The following COBL variants were observed in gnomAD, a reference collection of about 807,000 sequenced individuals.
COBL encodes cordon-bleu WH2 repeat protein.
Under a neutral mutation model 98.8 loss-of-function variants are expected in COBL, and 51 were observed. The ratio of observed to expected loss-of-function variants is 0.52; its 90% CI spans 0.41 to 0.65. The LOEUF is 0.65. Among genes scored for constraint, COBL ranks in the 30% least tolerant of loss-of-function variants. COBL has a pLI of 0.00. For missense variants in COBL, 1,617 were observed against 1,617.5 expected (o/e 1.00, Z 0.01); for synonymous variants, 634 against 651.7 (o/e 0.97, Z 0.41).
At chr7:51,306,290 G>C (rs937162168) in intron 1 of COBL, among the ~76,000 whole-genome samples, 1 of 152,134 alleles carries the variant, frequency 6.6e-6, no homozygotes, top group African/African-American at 2.4e-5. Flanking sequence ...CAGGCCAACA[G>C]GGCCCACTCA....
chr7:51,017,342 C>T lies in COBL; in HGVS notation c.*209G>A. The stretch of plus-strand genomic sequence containing the variant: ...GATATTCAGAGGCAAAACACATTTC[C>T]TTGGCACACGAGCTGCGCAGCGACA... On this transcript the variant is annotated 3_prime_UTR_variant, in exon 13 of 13. Coordinates refer to ENST00000265136, the MANE Select transcript of COBL (RefSeq NM_015198.5). 2 of 607,728 alleles carry T rather than the reference C, an allele frequency of 3.3e-6. No individual in the cohort carries two copies. Among genetic ancestry groups the T allele is most frequent in the Non-Finnish European group, 5.9e-6 (2 of 339,836 alleles). 37.6% of individuals were successfully genotyped at this position (607,728 alleles called of 1,614,324 possible).
At position 51,016,698 on chromosome 7, in the gene COBL, G is replaced by A. The variant is rs762358581; in HGVS notation, c.*853C>T. On this transcript the variant is annotated 3_prime_UTR_variant, in exon 13 of 13. Coordinates refer to ENST00000265136, the MANE Select transcript of COBL (RefSeq NM_015198.5). Reference sequence around the variant, plus strand: ...ATCCCTGCTCCTTGACCCTCTGCAGGATTCCAGAAGGCTCCCAGTGAAGTC... The same window carrying A: ...ATCCCTGCTCCTTGACCCTCTGCAGAATTCCAGAAGGCTCCCAGTGAAGTC... 1.4e-4 allele frequency: 51 copies of A among 365,264 alleles called. No individual in the cohort carries two copies. The highest frequency in any genetic ancestry group is 2.3e-4 in the Non-Finnish European group (47 of 205,238). 22.6% of individuals were successfully genotyped at this position (365,264 alleles called of 1,614,324 possible).
Position 51,029,029 on chromosome 7 carries a change from G to T in COBL, c.2067C>A (p.His689Gln), listed in dbSNP as rs765990521. Reference sequence around the variant, plus strand: ...TTTTCCCTGGGTTTTGGCCTCGTTGGTGCCATGATGTTGGTGCCAAGGCAG... The same window carrying T: ...TTTTCCCTGGGTTTTGGCCTCGTTGTTGCCATGATGTTGGTGCCAAGGCAG... The part of the protein sequence containing the change: ...KNAALAPTSW[H>Q]QRGQNPGKSY... Residue 689 changes from histidine (H) to glutamine (Q), a missense_variant, in exon 10 of 13, where the codon CAC becomes CAA. By Grantham distance (24) the His-to-Gln change is conservative. Coordinates refer to ENST00000265136, the MANE Select transcript of COBL (RefSeq NM_015198.5). 1 of 1,614,038 alleles carries T rather than the reference G, an allele frequency of 6.2e-7. No individual in the cohort carries two copies. Among genetic ancestry groups the T allele is most frequent in the African/African-American group, 1.3e-5 (1 of 74,902 alleles).
At chr7:51,061,991 A>G (rs1375477771) in intron 7 of COBL, among the ~76,000 whole-genome samples, 1 of 150,872 alleles carries the variant, frequency 6.6e-6, no homozygotes, top group Non-Finnish European at 1.5e-5. Context: ...ACTCATAAAT[A>G]TATCCTATTG....
At chr7:51,270,755 A>T (rs1425226998) in intron 1 of COBL, among the ~76,000 whole-genome samples, 2 of 152,068 alleles carry the variant, frequency 1.3e-5, no homozygotes, top group African/African-American at 4.8e-5. Context: ...TCTTTTTTTC[A>T]AAATTGACTT....
chr7:51,068,091 A>T (rs1792133594), intron 7 of COBL, among the ~76,000 whole-genome samples: 1 of 152,210 alleles, frequency 6.6e-6, no homozygotes, highest in Admixed American at 6.5e-5. Context: ...TTCTCAAGCC[A>T]GGCTTGAGCG....
intron 1 of COBL, among the ~76,000 whole-genome samples, chr7:51,243,073 G>T (rs1445570379): frequency 1.3e-5 from 2 of 152,208 alleles, no homozygotes; most frequent in African/African-American, 4.8e-5. Flanking sequence ...CGCCTTGGTG[G>T]CACTGCTTGG....
intron 6 of COBL, among the ~76,000 whole-genome samples, chr7:51,103,913 C>T (rs937279316): frequency 6.6e-6 from 1 of 152,234 alleles, no homozygotes; most frequent in Admixed American, 6.5e-5. Flanking sequence ...CACCTGGCCT[C>T]GGCCCCAGCC....
At chr7:51,187,771 G>A (rs1001695526) in intron 4 of COBL, 7 of 532,562 alleles carry the variant, frequency 1.3e-5, no homozygotes, top group Non-Finnish European at 2.0e-5. Flanking sequence ...TGTCAGCCTC[G>A]CATGCACCTT....
chr7:51,090,315 C>T (rs1262220728), intron 6 of COBL, among the ~76,000 whole-genome samples: 1 of 152,146 alleles, frequency 6.6e-6, no homozygotes, highest in Non-Finnish European at 1.5e-5. Context: ...AGGCACAGGA[C>T]CATAGGCAAG....
At position 51,164,516 on chromosome 7, in the gene COBL, C is replaced by T. The variant is rs143647534; in HGVS notation, c.783+19586G>A. On this transcript the variant is annotated intron_variant, in intron 5 of 12. Transcript: ENST00000265136. ...TACTTTTACCCTAGAATAGTATATT[C>T]GGCGAAAATATCCTTCGGACATAAA... Among the ~76,000 whole-genome samples, 277 of 152,148 alleles carry T rather than the reference C, an allele frequency of 1.8e-3. 1 individual carries two copies. The highest frequency in any genetic ancestry group is 0.012 in the South Asian group (60 of 4,826).
chr7:51,207,422 C>A (rs1350706523), intron 2 of COBL, among the ~76,000 whole-genome samples: 2 of 152,162 alleles, frequency 1.3e-5, no homozygotes, highest in African/African-American at 4.8e-5. Flanking sequence ...CCCTCTCCCT[C>A]GCACTTGCCC....
At chr7:51,152,595 C>T (rs930290577) in intron 5 of COBL, among the ~76,000 whole-genome samples, 17 of 152,352 alleles carry the variant, frequency 1.1e-4, no homozygotes, top group African/African-American at 4.1e-4. Context: ...GTATTCTTCT[C>T]CTTCAGTTAA....
At chr7:51,313,355 C>T (rs953759233) in intron 1 of COBL, among the ~76,000 whole-genome samples, 1 of 152,162 alleles carries the variant, frequency 6.6e-6, no homozygotes, top group African/African-American at 2.4e-5. Flanking sequence ...ATGTGCGGCA[C>T]CGACAGGACT....
chr7:51,049,378 G>A (rs1341449022), intron 7 of COBL, among the ~76,000 whole-genome samples: 2 of 152,112 alleles, frequency 1.3e-5, no homozygotes, highest in African/African-American at 4.8e-5. Flanking sequence ...ACTGGCATTG[G>A]GGAAAAAGAC....
At chr7:51,234,591 T>C (rs939353887) in intron 1 of COBL, among the ~76,000 whole-genome samples, 1 of 151,370 alleles carries the variant, frequency 6.6e-6, no homozygotes, top group Admixed American at 6.6e-5. Context: ...GCCCCAACTA[T>C]TCTGGTGGCT....
chr7:51,180,266 G>A (rs552618978), intron 5 of COBL, among the ~76,000 whole-genome samples: 11 of 152,292 alleles, frequency 7.2e-5, no homozygotes, highest in Middle Eastern at 3.4e-3. Flanking sequence ...AAAATGGCTG[G>A]CCCGGTTCCT....
At position 51,137,116 on chromosome 7, in the gene COBL, C is replaced by T. The variant is rs145192647; in HGVS notation, c.784-785G>A. Among the ~76,000 whole-genome samples, 13 of 152,278 alleles carry T rather than the reference C, an allele frequency of 8.5e-5. No homozygotes were observed. In the East Asian group the frequency reaches 2.5e-3, roughly 29 times the overall value. On this transcript the variant is annotated intron_variant, in intron 5 of 12. Coordinates refer to ENST00000265136, the MANE Select transcript of COBL (RefSeq NM_015198.5). ...ACTTCAAACTGAAAACAAGATGGTA[C>T]CATGCTGTGTCCTGGTGCCTCTTCT...
chr7:51,281,237 C>G (rs1010136167), intron 1 of COBL, among the ~76,000 whole-genome samples: 1 of 152,148 alleles, frequency 6.6e-6, no homozygotes, highest in African/African-American at 2.4e-5. Context: ...CAACAGAAAT[C>G]ATCTAATCTG....
Sources: allele counts gnomAD v4.1 joint callset (sites outside exome capture counted in the v4.1 genomes callset), GRCh38; gene constraint gnomAD v4.1.1; transcripts MANE v1.5; gene names NCBI Gene and HGNC (gene_info 2026-07-23, HGNC 2026-07-21).